CDT1: variants seen among roughly 807,000 people sequenced by gnomAD.
The protein encoded by CDT1 is chromatin licensing and DNA replication factor 1.
A neutral mutation model predicts 49.3 loss-of-function variants in CDT1; 66 were observed. The ratio of observed to expected loss-of-function variants is 1.34; its 90% CI spans 1.10 to 1.64. The LOEUF is 1.64. CDT1 is among the 40% of genes most tolerant of loss of function. The pLI is 0.00. For missense variants in CDT1, 958 were observed against 807.7 expected, an observed-to-expected ratio of 1.19 and a Z score of -2.26; for synonymous variants, 424 against 347.4, an observed-to-expected ratio of 1.22 and a Z score of -2.45.
intron 3 of CDT1, 55 bp downstream of exon 3, chr16:88,804,953 G>C: frequency 4.6e-6 from 7 of 1,526,156 alleles, no homozygotes; most frequent in Non-Finnish European, 5.3e-6. Flanking sequence ...TTGGTGGCAG[G>C]CGTGGCCCAG....
chr16:88,809,225 C>T lies in CDT1; in HGVS notation c.*947C>T, dbSNP rs777130382. On this transcript the variant is annotated 3_prime_UTR_variant, in exon 10 of 10. Coordinates refer to ENST00000301019, the MANE Select transcript of CDT1 (RefSeq NM_030928.4). ...CCTTGACTTCAGTATTTCTGACCTC[C>T]TAAACTCTAATAAAGTCATGCTTAC... 18 of 351,418 alleles carry T rather than the reference C, an allele frequency of 5.1e-5. No individual in the cohort carries two copies. Among genetic ancestry groups the T allele is most frequent in the Non-Finnish European group, 9.6e-5 (17 of 177,824 alleles). The allele number at this position is 351,418 out of a possible 1,614,324, so 21.8% of individuals were successfully genotyped here.
At position 88,803,879 on chromosome 16, in the gene CDT1, GC is replaced by G. The variant is rs764317998; in HGVS notation, c.55del (p.Arg19AlafsTer80). 50 of 1,473,434 alleles carry G rather than the reference GC, an allele frequency of 3.4e-5. No homozygotes were observed. Among genetic ancestry groups the G allele is most frequent in the South Asian group, 9.7e-5 (8 of 82,506 alleles). The allele number at this position is 1,473,434 out of a possible 1,614,324, so 91.3% of individuals were successfully genotyped here. On this transcript the variant is annotated frameshift_variant, in exon 1 of 10. Coordinates refer to ENST00000301019, the MANE Select transcript of CDT1 (RefSeq NM_030928.4). LOFTEE classifies it high-confidence loss of function. ...ACTTCTTCGCGCGCCGCCGCCCCGG[GC>G]CCCCCCGCATCGCGCCGCCCAAGCT... ...TDFFARRRPG[P>X]PRIAPPKLAC...
chr16:88,808,838 T>TAA lies in CDT1; in HGVS notation c.*561_*562insAA, dbSNP rs199548811. 20,223 of 158,658 alleles carry TAA rather than the reference T, an allele frequency of 0.13. 1,997 individuals carry two copies. Among genetic ancestry groups the TAA allele is most frequent in the African/African-American group, 0.29 (11,924 of 41,286 alleles). The allele number at this position is 158,658 out of a possible 1,614,324, so 9.8% of individuals were successfully genotyped here. ...GGTGAAACCCCATCTCTACTAAAAATACAAAAAATTAGCCGGGTGTGGTGG... is the reference window on the plus strand; with the variant it reads ...GGTGAAACCCCATCTCTACTAAAAATAAACAAAAAATTAGCCGGGTGTGGTGG... On this transcript the variant is annotated 3_prime_UTR_variant, in exon 10 of 10. Transcript: ENST00000301019.
intron 9 of CDT1, among the ~76,000 whole-genome samples, chr16:88,807,784 GC>G (rs138777028): frequency 0.011 from 1,720 of 152,280 alleles, 26 homozygotes; most frequent in African/African-American, 0.039. Context: ...ACCCTCCACT[GC>G]CTCCCAGGCC....
chr16:88,804,401 G>A, intron 1 of CDT1, 144 bp from the exon 2 acceptor site: 1 of 1,105,234 alleles, frequency 9.0e-7, no homozygotes, highest in Non-Finnish European at 1.3e-6. Context: ...CCTTAGCACA[G>A]ACCACCATCT....
intron 7 of CDT1, 81 bp from the exon 8 acceptor site, chr16:88,806,966 TGAGA>T: frequency 6.4e-7 from 1 of 1,551,628 alleles, no homozygotes; most frequent in Non-Finnish European, 8.9e-7. Context: ...ACTTGTGCCT[TGAGA>T]GATACCGGGG....
At position 88,808,426 on chromosome 16, in the gene CDT1, C is replaced by T. The variant is rs1301914440; in HGVS notation, c.*148C>T. ...AGGCAGATGTGGGCTGCAGGCTGCACAGCCCGAGGGTCTCTGGCTGCGGGC... is the reference window on the plus strand; with the variant it reads ...AGGCAGATGTGGGCTGCAGGCTGCATAGCCCGAGGGTCTCTGGCTGCGGGC... On this transcript the variant is annotated 3_prime_UTR_variant, in exon 10 of 10. Transcript: ENST00000301019. 3.2e-6 allele frequency: 3 copies of T among 931,320 alleles called. No individual in the cohort carries two copies. The highest frequency in any genetic ancestry group is 3.2e-6 in the Non-Finnish European group (2 of 627,504). 57.7% of individuals were successfully genotyped at this position (931,320 alleles called of 1,614,324 possible). A position where few individuals can be genotyped will look rare whatever the true frequency, so the allele number is the denominator to read the frequency against.
intron 7 of CDT1, 97 bp downstream of exon 7, chr16:88,806,771 G>A (rs1908873670): frequency 4.2e-6 from 6 of 1,433,074 alleles, no homozygotes; most frequent in East Asian, 2.5e-5. Flanking sequence ...TGAGCTTGAC[G>A]CCTCATCTGG....
At position 88,804,525 on chromosome 16, in the gene CDT1, C is replaced by A. The variant is rs766599974; in HGVS notation, c.229-20C>A. 31 of 1,610,508 alleles carry A rather than the reference C, an allele frequency of 1.9e-5. No individual in the cohort carries two copies. The East Asian group carries it at 6.7e-4, about 35-fold the overall frequency. Reference sequence around the variant, plus strand: ...CACCAGGTCTTGTCATGAGTTCACCCTTGGGGTCCCTCCCACCAGGTTTCC... The same window carrying A: ...CACCAGGTCTTGTCATGAGTTCACCATTGGGGTCCCTCCCACCAGGTTTCC... On this transcript the variant is annotated intron_variant, in intron 1 of 9. Coordinates refer to ENST00000301019, the MANE Select transcript of CDT1 (RefSeq NM_030928.4).
intron 2 of CDT1, 28 bp downstream of exon 2, chr16:88,804,695 G>GGGAGGGCTGAGTGGT (rs1908779740): frequency 6.2e-7 from 1 of 1,612,114 alleles, no homozygotes; most frequent in African/African-American, 1.3e-5. Context: ...GGGCAGATGC[G>GGGAGGGCTGAGTGGT]GGAGGGCTGA....
At chr16:88,807,978 C>G (rs189607024) in intron 9 of CDT1, 137 bp from the exon 10 acceptor site, 9 of 933,778 alleles carry the variant, frequency 9.6e-6, no homozygotes, top group Non-Finnish European at 1.5e-5. Context: ...AGAACCACCT[C>G]TGCCCTAAGT....
intron 2 of CDT1, 29 bp from the exon 3 acceptor site, chr16:88,804,733 C>CA: frequency 6.2e-7 from 1 of 1,612,752 alleles, no homozygotes; most frequent in Non-Finnish European, 8.5e-7. Flanking sequence ...GCCTGCCTGA[C>CA]GGCACCGTGT....
rs771863846 is a variant in CDT1 at position 88,804,070 on chromosome 16, T to C, written c.228+11T>C. The stretch of plus-strand genomic sequence containing the variant: ...CTGTCGGTGGACGAGGTGAGGGGCG[T>C]GGGGAGACTGAGGCCGGGGAGTTGG... On this transcript the variant is annotated intron_variant, in intron 1 of 9. Coordinates refer to ENST00000301019, the MANE Select transcript of CDT1 (RefSeq NM_030928.4). The C allele has an allele frequency of 4.3e-6, 6 of 1,381,752 alleles. No homozygotes were observed. In the South Asian group the frequency reaches 8.8e-5, roughly 20 times the overall value. The allele number at this position is 1,381,752 out of a possible 1,614,324, so 85.6% of individuals were successfully genotyped here.
intron 3 of CDT1, among the ~76,000 whole-genome samples, chr16:88,805,168 C>T (rs867248242): frequency 6.6e-6 from 1 of 152,242 alleles, no homozygotes; most frequent in South Asian, 2.1e-4. Flanking sequence ...CTGCCTCTGC[C>T]CCTGAGAGCT....
chr16:88,808,494 A>G lies in CDT1; in HGVS notation c.*216A>G. The G allele has an allele frequency of 1.7e-6, 1 of 595,882 alleles. No homozygotes were observed. The allele number at this position is 595,882 out of a possible 1,614,324, so 36.9% of individuals were successfully genotyped here. ...GGCTCACCTGGTGGATTCACATTAA[A>G]CCGGTTTCTGTGGGCACCTCTGTCC... On this transcript the variant is annotated 3_prime_UTR_variant, in exon 10 of 10. Coordinates refer to ENST00000301019, the MANE Select transcript of CDT1 (RefSeq NM_030928.4).
chr16:88,807,266 C>G lies in CDT1; in HGVS notation c.1276-15C>G. The G allele has an allele frequency of 6.2e-7, 1 of 1,611,704 alleles. No individual in the cohort carries two copies. The highest frequency in any genetic ancestry group is 8.5e-7 in the Non-Finnish European group (1 of 1,179,782). The stretch of plus-strand genomic sequence containing the variant: ...GACCTGCTGCCCACTAACCAGGTCC[C>G]GGTACCTGCTGCAGATCCGAGCCAA... On this transcript the variant is annotated splice_polypyrimidine_tract_variant and intron_variant, in intron 8 of 9. Transcript: ENST00000301019.
chr16:88,805,694 G>A lies in CDT1; in HGVS notation c.687-30G>A, dbSNP rs199632777. The A allele has an allele frequency of 1.7e-3, 2,723 of 1,612,682 alleles. 2 individuals carry two copies. The highest frequency in any genetic ancestry group is 3.1e-3 in the Middle Eastern group (19 of 6,052). On this transcript the variant is annotated intron_variant, in intron 4 of 9. Transcript: ENST00000301019. Reference sequence around the variant, plus strand: ...TGGAGTTGGGGGTGGGCCCGGGCCTGCCTCCTGAGCCGCCCCCATCCTCCC... The same window carrying A: ...TGGAGTTGGGGGTGGGCCCGGGCCTACCTCCTGAGCCGCCCCCATCCTCCC...
Position 88,807,420 on chromosome 16 carries a change from C to T in CDT1, c.1415C>T (p.Ala472Val), listed in dbSNP as rs202071237. 24 of 1,613,032 alleles carry T rather than the reference C, an allele frequency of 1.5e-5. No individual in the cohort carries two copies. Among genetic ancestry groups the T allele is most frequent in the African/African-American group, 5.3e-5 (4 of 75,070 alleles). The change falls in exon 9 of 10, where the codon GCG becomes GTG. Residue 472 changes from alanine to valine, a missense_variant. Coordinates refer to ENST00000301019, the MANE Select transcript of CDT1 (RefSeq NM_030928.4). ...GTCTTTGTGTCCGAACGCAAGCCTGCGCTCAGCATGGAGGTGGCCTGTGCC... is the reference window on the plus strand; with the variant it reads ...GTCTTTGTGTCCGAACGCAAGCCTGTGCTCAGCATGGAGGTGGCCTGTGCC... ...RSVFVSERKPALSMEVACARM... is the reference protein window; with the variant it reads ...RSVFVSERKPVLSMEVACARM...
At position 88,806,293 on chromosome 16, in the gene CDT1, G is replaced by A. The variant is rs1308817320; in HGVS notation, c.933+172G>A. ...CTCAGGGTGCAGCCGCAGGCACTGA[G>A]GAGGTCCCCAAGGCGTTCAGCGAGC... On this transcript the variant is annotated intron_variant, in intron 6 of 9. Transcript: ENST00000301019. 4.2e-6 allele frequency: 4 copies of A among 961,988 alleles called. No individual in the cohort carries two copies. In the Admixed American group the frequency reaches 8.1e-5, roughly 19 times the overall value. 59.6% of individuals were successfully genotyped at this position (961,988 alleles called of 1,614,324 possible). A position where few individuals can be genotyped will look rare whatever the true frequency, so the allele number is the denominator to read the frequency against.
Sources: gnomAD v4.1 joint callset for allele counts (sites outside exome capture counted in the v4.1 genomes callset) on GRCh38, gnomAD v4.1.1 for gene constraint, MANE v1.5 for transcripts, NCBI Gene and HGNC (gene_info 2026-07-23, HGNC 2026-07-21) for gene names.